Variants in MACROD2 observed in about 807,000 individuals in gnomAD.
MACROD2 encodes ADP-ribose glycohydrolase MACROD2.
A neutral mutation model predicts 70.4 loss-of-function variants in MACROD2; 36 were observed. The ratio of observed to expected loss-of-function variants is 0.51; its 90% CI spans 0.39 to 0.68. The LOEUF (loss-of-function observed/expected upper bound fraction) is 0.68. Among genes scored for constraint, MACROD2 ranks in the 30% least tolerant of loss-of-function variants. The pLI is 0.00. For synonymous variants in MACROD2, 172 were observed against 178.8 expected (o/e 0.96, Z 0.30); for missense variants, 496 against 538.4 (o/e 0.92, Z 0.78).
intron 6 of MACROD2, among the ~76,000 whole-genome samples, chr20:15,294,094 C>A (rs1362380936): frequency 1.4e-5 from 2 of 145,126 alleles, no homozygotes; most frequent in Non-Finnish European, 3.0e-5. Context: ...GCACTCCAGC[C>A]TGGGTGACAA....
intron 5 of MACROD2, among the ~76,000 whole-genome samples, chr20:15,212,764 T>C (rs1223305065): frequency 6.6e-6 from 1 of 152,216 alleles, no homozygotes; most frequent in Non-Finnish European, 1.5e-5. Flanking sequence ...AGTACAACTC[T>C]ACATTTGACA....
chr20:14,867,101 G>T (rs917056309), intron 5 of MACROD2, among the ~76,000 whole-genome samples: 1 of 152,030 alleles, frequency 6.6e-6, no homozygotes, highest in African/African-American at 2.4e-5. Context: ...TGTTTAGGTG[G>T]CCCTACTTGA....
In MACROD2 at chr20:15,919,677, G is replaced by A. The variant is rs184126998; in HGVS notation, c.776-13599G>A. On this transcript the variant is annotated intron_variant, in intron 10 of 17. Transcript: ENST00000684519. ...ATGAACCTGGGAGACGGAGGTTGCA[G>A]TGAGCTGAGATCGCGCCACTGGACT... Among the ~76,000 whole-genome samples, 34 of 152,326 alleles carry A rather than the reference G, an allele frequency of 2.2e-4. No homozygotes were observed. In the East Asian group the frequency reaches 4.8e-3, roughly 22 times the overall value.
chr20:14,841,721 A>C (rs1194605843), intron 5 of MACROD2, among the ~76,000 whole-genome samples: 1 of 152,104 alleles, frequency 6.6e-6, no homozygotes, highest in Non-Finnish European at 1.5e-5. Context: ...TATTATAAGT[A>C]AACTTGAGTT....
At chr20:14,534,973 G>A (rs945987574) in intron 4 of MACROD2, among the ~76,000 whole-genome samples, 3 of 152,186 alleles carry the variant, frequency 2.0e-5, no homozygotes, top group African/African-American at 4.8e-5. Context: ...AGATGAAAGA[G>A]GCAAGGAGAG....
chr20:15,929,576 A>G (rs1043805911), intron 10 of MACROD2, among the ~76,000 whole-genome samples: 2 of 152,226 alleles, frequency 1.3e-5, no homozygotes, highest in African/African-American at 4.8e-5. Context: ...AGAAGAAAAG[A>G]CAGCAGTATA....
chr20:14,293,202 A>G (rs1002425560), intron 3 of MACROD2, among the ~76,000 whole-genome samples: 1 of 151,798 alleles, frequency 6.6e-6, no homozygotes, highest in Non-Finnish European at 1.5e-5. Context: ...TAGATACCAT[A>G]TGCTATTCTA....
At chr20:15,217,909 G>A (rs1037377897) in intron 5 of MACROD2, among the ~76,000 whole-genome samples, 39 of 151,926 alleles carry the variant, frequency 2.6e-4, no homozygotes, top group African/African-American at 6.0e-4. Flanking sequence ...AAATAATCTC[G>A]CAGAGGCACA....
chr20:14,209,240 C>T (rs2081550940), intron 3 of MACROD2, among the ~76,000 whole-genome samples: 1 of 152,166 alleles, frequency 6.6e-6, no homozygotes, highest in Non-Finnish European at 1.5e-5. Context: ...CTGCCATTCT[C>T]TCTGGGTTCA....
chr20:14,771,555 A>G (rs1207999378), intron 5 of MACROD2, among the ~76,000 whole-genome samples: 1 of 151,578 alleles, frequency 6.6e-6, no homozygotes, highest in Admixed American at 6.6e-5. Flanking sequence ...TTTTGTATGA[A>G]TGTCACAATA....
intron 3 of MACROD2, among the ~76,000 whole-genome samples, chr20:14,248,586 A>G (rs1184746218): frequency 6.6e-6 from 1 of 151,792 alleles, no homozygotes; most frequent in East Asian, 2.0e-4. Flanking sequence ...CTGTCTCAAA[A>G]TAATAATAAT....
chr20:14,420,898 G>A (rs1251951339), intron 3 of MACROD2, among the ~76,000 whole-genome samples: 1 of 152,052 alleles, frequency 6.6e-6, no homozygotes, highest in East Asian at 1.9e-4. Context: ...TCTATATGTT[G>A]CCCAGGCTGG....
intron 2 of MACROD2, among the ~76,000 whole-genome samples, chr20:14,065,530 C>T (rs2053745187): frequency 6.6e-6 from 1 of 152,136 alleles, no homozygotes; most frequent in Admixed American, 6.6e-5. Context: ...AGAAGTGATT[C>T]TGCCTCAACT....
intron 10 of MACROD2, among the ~76,000 whole-genome samples, chr20:15,898,425 C>T (rs1461635164): frequency 6.6e-6 from 1 of 151,756 alleles, no homozygotes; most frequent in African/African-American, 2.4e-5. Context: ...GTGACATGTG[C>T]CTGTAATCCC....
intron 4 of MACROD2, among the ~76,000 whole-genome samples, chr20:14,496,730 T>C (rs1212729262): frequency 6.7e-6 from 1 of 148,794 alleles, no homozygotes; most frequent in East Asian, 1.9e-4. Flanking sequence ...TCACTTCTGT[T>C]CATAGTTTCT....
chr20:15,786,714 T>C (rs1297812283), intron 8 of MACROD2, among the ~76,000 whole-genome samples: 1 of 152,214 alleles, frequency 6.6e-6, no homozygotes, highest in Non-Finnish European at 1.5e-5. Context: ...CCAAGAGATC[T>C]GGACTCTTGA....
At chr20:16,014,908 T>A (rs1407990737) in intron 15 of MACROD2, among the ~76,000 whole-genome samples, 1 of 152,190 alleles carries the variant, frequency 6.6e-6, no homozygotes, top group Non-Finnish European at 1.5e-5. Flanking sequence ...ATTCTCATCT[T>A]CTATCTATAG....
chr20:14,725,278 G>A (rs1390559966), intron 5 of MACROD2, among the ~76,000 whole-genome samples: 1 of 152,078 alleles, frequency 6.6e-6, no homozygotes, highest in Non-Finnish European at 1.5e-5. Context: ...CTGGAGTTAG[G>A]GGGCCAGTCA....
intron 6 of MACROD2, among the ~76,000 whole-genome samples, chr20:15,340,757 C>T (rs1052231422): frequency 1.6e-4 from 24 of 149,946 alleles, no homozygotes; most frequent in Admixed American, 1.1e-3. Context: ...GTCTACACTC[C>T]ACCCCGCAAA....
Sources: allele counts gnomAD v4.1 joint callset (sites outside exome capture counted in the v4.1 genomes callset), GRCh38; gene constraint gnomAD v4.1.1; transcripts MANE v1.5; gene names NCBI Gene and HGNC (gene_info 2026-07-23, HGNC 2026-07-21).